LCP1: variants seen among roughly 807,000 people sequenced by gnomAD.
LCP1 encodes the protein plastin-2.
In LCP1, 23 loss-of-function variants were observed where a neutral mutation model predicts 72.0. That is an observed-to-expected ratio of 0.32 (90% CI 0.23 to 0.45). LCP1 has a LOEUF of 0.45. Among genes scored for constraint, LCP1 ranks in the 20% least tolerant of loss-of-function variants. The pLI is 1.00. For synonymous variants in LCP1, 245 were observed against 275.4 expected (o/e 0.89, Z 1.09); for missense variants, 571 against 748.3 (o/e 0.76, Z 2.76).
intron 1 of LCP1, among the ~76,000 whole-genome samples, chr13:46,164,750 C>A (rs918851992): frequency 1.3e-5 from 2 of 152,194 alleles, no homozygotes; most frequent in African/African-American, 4.8e-5. Flanking sequence ...GAAACACAAC[C>A]TAACTTTTGG....
intron 1 of LCP1, among the ~76,000 whole-genome samples, chr13:46,179,424 AC>A (rs2045946451): frequency 6.6e-6 from 1 of 152,244 alleles, no homozygotes; most frequent in South Asian, 2.1e-4. Context: ...TTTAGTATCT[AC>A]ATGTGCCAGG....
chr13:46,160,664 C>T (rs1241588537), intron 1 of LCP1, among the ~76,000 whole-genome samples: 3 of 152,156 alleles, frequency 2.0e-5, no homozygotes, highest in African/African-American at 4.8e-5. Flanking sequence ...TGCATCACTG[C>T]TGCCCTCTAG....
At chr13:46,153,517 A>C (rs779581747) in intron 6 of LCP1, among the ~76,000 whole-genome samples, 1 of 152,108 alleles carries the variant, frequency 6.6e-6, no homozygotes, top group Non-Finnish European at 1.5e-5. Flanking sequence ...CCTGACCAAC[A>C]TGGTGAAACC....
At chr13:46,159,105 A>G (rs9534343) in intron 2 of LCP1, 116 bp from the exon 3 acceptor site, 37,588 of 892,238 alleles carry the variant, frequency 0.042, 4,836 homozygotes, top group African/African-American at 0.38. Context: ...TTCAGACATT[A>G]AGGCATGATC....
chr13:46,173,733 G>A (rs1402128041), intron 1 of LCP1, among the ~76,000 whole-genome samples: 4 of 152,164 alleles, frequency 2.6e-5, no homozygotes, highest in African/African-American at 9.7e-5. Flanking sequence ...TTGCAGAACT[G>A]GTACATGATA....
intron 1 of LCP1, among the ~76,000 whole-genome samples, chr13:46,165,026 CA>C (rs2045868562): frequency 6.6e-6 from 1 of 152,156 alleles, no homozygotes; most frequent in Admixed American, 6.5e-5. Flanking sequence ...CAAAGCAAAG[CA>C]GCAGGAAGAG....
intron 1 of LCP1, among the ~76,000 whole-genome samples, chr13:46,164,326 T>C (rs1298092197): frequency 1.3e-5 from 2 of 152,188 alleles, no homozygotes; most frequent in Non-Finnish European, 2.9e-5. Flanking sequence ...CTAAAGATCA[T>C]GGTATAATGG....
At chr13:46,160,240 C>G (rs1428445332) in intron 1 of LCP1, among the ~76,000 whole-genome samples, 1 of 152,156 alleles carries the variant, frequency 6.6e-6, no homozygotes, top group Non-Finnish European at 1.5e-5. Context: ...CCCATTTGAG[C>G]TCCTAGATGA....
chr13:46,145,553 A>C (rs2045724366), intron 10 of LCP1, among the ~76,000 whole-genome samples: 1 of 152,158 alleles, frequency 6.6e-6, no homozygotes, highest in Non-Finnish European at 1.5e-5. Context: ...AGTAGGATCC[A>C]AGCTCTTTAG....
intron 1 of LCP1, among the ~76,000 whole-genome samples, chr13:46,163,831 C>T (rs994713163): frequency 2.1e-4 from 32 of 152,098 alleles, no homozygotes; most frequent in African/African-American, 7.5e-4. Flanking sequence ...TTGCTAAATC[C>T]TTGTGACTAA....
intron 8 of LCP1, among the ~76,000 whole-genome samples, chr13:46,150,300 T>C (rs1373323068): frequency 1.3e-5 from 2 of 152,360 alleles, no homozygotes; most frequent in East Asian, 3.9e-4. Flanking sequence ...CCATCTGTCA[T>C]CATTGCCAAT....
At chr13:46,160,405 A>T (rs2045830932) in intron 1 of LCP1, among the ~76,000 whole-genome samples, 1 of 152,238 alleles carries the variant, frequency 6.6e-6, no homozygotes, top group Admixed American at 6.5e-5. Context: ...TCACTTTTAC[A>T]TAAATGTCTT....
Position 46,142,340 on chromosome 13 carries a change from TC to T in LCP1, c.1453del (p.Glu485LysfsTer10), listed in dbSNP as rs2138233264. The T allele has an allele frequency of 3.1e-6, 5 of 1,614,084 alleles. No individual in the cohort carries two copies. Among genetic ancestry groups the T allele is most frequent in the Non-Finnish European group, 4.2e-6 (5 of 1,179,984 alleles). ...LVGIGGQDLN[E>X]GNRTLTLALI... ...GGCCAGTGTGAGAGTGCGGTTTCCT[TC>T]ATTGAGATCTTGTCCACCGATGCCA... On this transcript the variant is annotated frameshift_variant, in exon 13 of 16. Coordinates refer to ENST00000323076, the MANE Select transcript of LCP1 (RefSeq NM_002298.5). LOFTEE classifies it high-confidence loss of function.
intron 14 of LCP1, among the ~76,000 whole-genome samples, chr13:46,132,788 C>G (rs1395676509): frequency 6.6e-6 from 1 of 152,152 alleles, no homozygotes; most frequent in Non-Finnish European, 1.5e-5. Context: ...GATGAGCTCA[C>G]AGCAGGTGGA....
At chr13:46,140,671 A>C (rs1356196034) in intron 13 of LCP1, among the ~76,000 whole-genome samples, 2 of 152,240 alleles carry the variant, frequency 1.3e-5, no homozygotes, top group Non-Finnish European at 2.9e-5. Context: ...GAAGATAAAA[A>C]TAAATTAGTA....
At chr13:46,179,373 A>T (rs1033226265) in intron 1 of LCP1, among the ~76,000 whole-genome samples, 1 of 152,114 alleles carries the variant, frequency 6.6e-6, no homozygotes, top group African/African-American at 2.4e-5. Context: ...AGAAGCTGAG[A>T]AAAAAAATAC....
chr13:46,159,078 G>A, intron 2 of LCP1, 89 bp from the exon 3 acceptor site: 3 of 1,169,152 alleles, frequency 2.6e-6, no homozygotes, highest in Non-Finnish European at 3.8e-6. Flanking sequence ...AAGGTGAAGG[G>A]ACGAGAGAGG....
chr13:46,132,061 G>C (rs936516979), intron 14 of LCP1, among the ~76,000 whole-genome samples: 1 of 150,948 alleles, frequency 6.6e-6, no homozygotes, highest in African/African-American at 2.4e-5. Context: ...TCACATAAAA[G>C]GAATGTGGGG....
intron 5 of LCP1, among the ~76,000 whole-genome samples, chr13:46,155,917 C>G (rs992425139): frequency 6.6e-6 from 1 of 152,196 alleles, no homozygotes; most frequent in African/African-American, 2.4e-5. Context: ...GTGAGCCACG[C>G]TCAGATGAAG....
Sources: allele counts gnomAD v4.1 joint callset (sites outside exome capture counted in the v4.1 genomes callset), GRCh38; gene constraint gnomAD v4.1.1; transcripts MANE v1.5; gene names NCBI Gene and HGNC (gene_info 2026-07-23, HGNC 2026-07-21).